HIVEP2: variants seen among roughly 807,000 people sequenced by gnomAD.
HIVEP2 encodes the protein transcription factor HIVEP2.
In HIVEP2, 14 loss-of-function variants were observed where a neutral mutation model predicts 180.7. That is an observed-to-expected ratio of 0.08 (90% CI 0.05 to 0.12). HIVEP2 has a LOEUF of 0.12. Among genes scored for constraint, HIVEP2 ranks in the 10% least tolerant of loss-of-function variants. HIVEP2 has a pLI of 1.00. For missense variants in HIVEP2, 2,579 were observed against 3,008.5 expected (o/e 0.86, Z 3.34); for synonymous variants, 1,184 against 1,136.4 (o/e 1.04, Z -0.84).
chr6:142,866,817 C>T (rs1383836884), intron 1 of HIVEP2, among the ~76,000 whole-genome samples: 2 of 152,160 alleles, frequency 1.3e-5, no homozygotes, highest in African/African-American at 4.8e-5. Context: ...CAATGAGCCT[C>T]AGGCCAATGT....
intron 1 of HIVEP2, among the ~76,000 whole-genome samples, chr6:142,931,163 A>G (rs1188045767): frequency 6.6e-6 from 1 of 152,014 alleles, no homozygotes; most frequent in Non-Finnish European, 1.5e-5. Flanking sequence ...AAATTAAGAG[A>G]GTTTTCTCAT....
chr6:142,889,418 A>G (rs1386177804), intron 1 of HIVEP2, among the ~76,000 whole-genome samples: 2 of 152,142 alleles, frequency 1.3e-5, no homozygotes, highest in African/African-American at 2.4e-5. Context: ...TGATGATGCC[A>G]CTGCACCCCA....
In HIVEP2 at chr6:142,751,916, T is replaced by A. The variant is rs1306168837; in HGVS notation, c.*1191A>T. On this transcript the variant is annotated 3_prime_UTR_variant, in exon 10 of 10. Coordinates refer to ENST00000367603, the MANE Select transcript of HIVEP2 (RefSeq NM_006734.4). ...GCAGGTCTCCATCTCCTTTTCCCCCTTCCACACCCAACCCTCAGAGTCCAA... is the reference window on the plus strand; with the variant it reads ...GCAGGTCTCCATCTCCTTTTCCCCCATCCACACCCAACCCTCAGAGTCCAA... The A allele has an allele frequency of 1.3e-5, 2 of 152,948 alleles. No homozygotes were observed. The highest frequency in any genetic ancestry group is 1.3e-4 in the Admixed American group (2 of 15,278). The allele number at this position is 152,948 out of a possible 1,614,324, so 9.5% of individuals were successfully genotyped here. A position where few individuals can be genotyped will look rare whatever the true frequency, so the allele number is the denominator to read the frequency against.
chr6:142,800,815 C>G (rs1473525767), intron 2 of HIVEP2, among the ~76,000 whole-genome samples: 3 of 152,098 alleles, frequency 2.0e-5, no homozygotes, highest in Non-Finnish European at 4.4e-5. Context: ...TGTTGAGTGT[C>G]TCTCCCTAGG....
intron 1 of HIVEP2, among the ~76,000 whole-genome samples, chr6:142,837,928 A>G (rs1016984685): frequency 3.9e-5 from 6 of 152,084 alleles, no homozygotes; most frequent in Admixed American, 6.6e-5. Flanking sequence ...GTCTCTGAAC[A>G]TCAAACACAA....
chr6:142,860,246 C>A (rs1378126018), intron 1 of HIVEP2, among the ~76,000 whole-genome samples: 2 of 152,058 alleles, frequency 1.3e-5, no homozygotes, highest in Non-Finnish European at 2.9e-5. Flanking sequence ...TAAATGAACT[C>A]CTGATGAAAG....
At chr6:142,855,560 C>G (rs1775797698) in intron 1 of HIVEP2, among the ~76,000 whole-genome samples, 1 of 152,194 alleles carries the variant, frequency 6.6e-6, no homozygotes, top group Non-Finnish European at 1.5e-5. Context: ...TGGGCAAATA[C>G]TTAATGTATT....
chr6:142,944,371 C>CA (rs1278918715), intron 1 of HIVEP2, among the ~76,000 whole-genome samples: 15 of 148,604 alleles, frequency 1.0e-4, no homozygotes, highest in African/African-American at 3.3e-4. Context: ...ACCCCCCCCC[C>CA]CCACCAAATA....
At chr6:142,863,587 T>G (rs959795081) in intron 1 of HIVEP2, among the ~76,000 whole-genome samples, 2 of 152,214 alleles carry the variant, frequency 1.3e-5, no homozygotes, top group African/African-American at 4.8e-5. Flanking sequence ...GAGATTTAAT[T>G]GAGTTCTCAG....
At chr6:142,818,733 A>AAAGAAAGAAAG (rs1462347393) in intron 2 of HIVEP2, among the ~76,000 whole-genome samples, 2 of 41,788 alleles carry the variant, frequency 4.8e-5, no homozygotes, top group Admixed American at 3.5e-4. Flanking sequence ...AGAAAGAAAG[A>AAAGAAAGAAAG]AAAGAAAGAA....
In HIVEP2 at chr6:142,773,712, G is replaced by C; in HGVS notation, c.1027C>G (p.Gln343Glu). The C allele has an allele frequency of 6.2e-7, 1 of 1,614,078 alleles. No individual in the cohort carries two copies. The highest frequency in any genetic ancestry group is 8.5e-7 in the Non-Finnish European group (1 of 1,179,984). ...SGIPLPNESS[Q>E]YIGPDMLPNP... ...GGTAGCATATCAGGGCCAATATACT[G>C]AGAGCTTTCATTAGGGAGAGGAATC... Residue 343 changes from glutamine (Q) to glutamate (E), a missense_variant, in exon 5 of 10, where the codon CAG (glutamine) becomes GAG (glutamate). By Grantham distance (29) the Gln-to-Glu change is conservative. Around this residue, in one of 11 missense-constraint regions of HIVEP2, gnomAD observed 142 missense variants for 135.2 expected, o/e 1.05. Transcript: ENST00000367603.
intron 1 of HIVEP2, among the ~76,000 whole-genome samples, chr6:142,899,491 A>T (rs1006924706): frequency 1.3e-5 from 2 of 152,226 alleles, no homozygotes; most frequent in African/African-American, 4.8e-5. Flanking sequence ...TCTTTATTGC[A>T]TGCTCAGGCC....
chr6:142,942,669 C>T (rs1196230633), intron 1 of HIVEP2, among the ~76,000 whole-genome samples: 1 of 152,060 alleles, frequency 6.6e-6, no homozygotes, highest in African/African-American at 2.4e-5. Context: ...TACCAAACAC[C>T]TCTACAAGGA....
chr6:142,846,599 C>A (rs1353157547), intron 1 of HIVEP2, among the ~76,000 whole-genome samples: 1 of 152,190 alleles, frequency 6.6e-6, no homozygotes, highest in Non-Finnish European at 1.5e-5. Flanking sequence ...CAGGGCACAT[C>A]ATACAGTCCC....
At chr6:142,802,501 G>A (rs1291169322) in intron 2 of HIVEP2, among the ~76,000 whole-genome samples, 2 of 151,780 alleles carry the variant, frequency 1.3e-5, no homozygotes, top group Admixed American at 1.3e-4. Context: ...TAGTACATCT[G>A]AGTCTTGGCC....
chr6:142,815,621 G>A (rs555795945), intron 2 of HIVEP2, among the ~76,000 whole-genome samples: 1 of 152,194 alleles, frequency 6.6e-6, no homozygotes, highest in Admixed American at 6.5e-5. Context: ...GGCTCAGGAA[G>A]CCTAGTCAAC....
intron 1 of HIVEP2, among the ~76,000 whole-genome samples, chr6:142,838,070 T>C (rs1775270281): frequency 6.6e-6 from 1 of 152,070 alleles, no homozygotes; most frequent in South Asian, 2.1e-4. Flanking sequence ...AATTAATTGA[T>C]AATCTCAGTA....
At chr6:142,871,784 C>T (rs1776295876) in intron 1 of HIVEP2, among the ~76,000 whole-genome samples, 2 of 152,064 alleles carry the variant, frequency 1.3e-5, no homozygotes, top group South Asian at 4.1e-4. Context: ...TAATACAGGA[C>T]TTTATAAGGG....
chr6:142,896,924 C>G (rs760833331), intron 1 of HIVEP2, among the ~76,000 whole-genome samples: 10 of 152,166 alleles, frequency 6.6e-5, no homozygotes, highest in Non-Finnish European at 1.5e-5. Flanking sequence ...TCATCTCACT[C>G]CTCCTACACA....
Sources: allele counts gnomAD v4.1 joint callset (sites outside exome capture counted in the v4.1 genomes callset), GRCh38; gene constraint gnomAD v4.1.1; regional missense constraint gnomAD v4.1.1; transcripts MANE v1.5; gene names NCBI Gene and HGNC (gene_info 2026-07-23, HGNC 2026-07-21).